PHTF2: variants seen among roughly 807,000 people sequenced by gnomAD.
PHTF2 encodes putative homeodomain transcription factor 2, also known as protein PHTF2.
Under a neutral mutation model 101.2 loss-of-function variants are expected in PHTF2, and 60 were observed. The ratio of observed to expected loss-of-function variants is 0.59; its 90% confidence interval spans 0.48 to 0.73. The LOEUF (loss-of-function observed/expected upper bound fraction) is 0.73, where lower values mean the gene tolerates loss of function less well. PHTF2 is among the 30% of genes least tolerant of loss of function. The pLI is 0.00. For synonymous variants in PHTF2, 311 were observed against 307.3 expected (o/e 1.01, Z -0.13); for missense variants, 747 against 908.7 (o/e 0.82, Z 2.29).
chr7:77,957,357 T>A (rs917460972), exon 20 of PHTF2: 2 of 152,244 alleles, frequency 1.3e-5, no homozygotes, highest in African/African-American at 4.8e-5. Flanking sequence ...TTTTAGATTT[T>A]GTTATGATTC....
chr7:77,953,120 A>G (rs1806698848), intron 18 of PHTF2, among the ~76,000 whole-genome samples: 1 of 152,156 alleles, frequency 6.6e-6, no homozygotes, highest in South Asian at 2.1e-4. Context: ...GTCTTTTAGA[A>G]TATTTACTCC....
intron 8 of PHTF2, chr7:77,909,410 C>A (rs376163579): frequency 6.6e-6 from 1 of 152,292 alleles, no homozygotes. Context: ...TCACTGTCTC[C>A]GTCACCCAGG....
chr7:77,809,900 G>A (rs549968292), intron 1 of PHTF2, among the ~76,000 whole-genome samples: 3 of 152,014 alleles, frequency 2.0e-5, no homozygotes, highest in African/African-American at 4.8e-5. Flanking sequence ...TTGAAGCACC[G>A]GGCTAGTTTT....
At position 77,802,102 on chromosome 7, in the gene PHTF2, G is replaced by A. The variant is rs570056481; in HGVS notation, c.-36+3131G>A. Among the ~76,000 whole-genome samples, 12 of 152,318 alleles carry A rather than the reference G, an allele frequency of 7.9e-5. No homozygotes were observed. The East Asian group carries it at 1.7e-3, about 22-fold the overall frequency. Reference sequence around the variant, plus strand: ...GGTCTGAAGGTGGTGTTTGTAGGTGGAGAAAGAGGGCATTCCATGCAGAAC... The same window carrying A: ...GGTCTGAAGGTGGTGTTTGTAGGTGAAGAAAGAGGGCATTCCATGCAGAAC... On this transcript the variant is annotated intron_variant, in intron 1 of 19. Coordinates refer to ENST00000416283, the Ensembl canonical transcript of PHTF2.
intron 3 of PHTF2, among the ~76,000 whole-genome samples, chr7:77,891,259 T>C (rs1224517236): frequency 6.6e-6 from 1 of 152,176 alleles, no homozygotes; most frequent in African/African-American, 2.4e-5. Flanking sequence ...TTTATTTGCA[T>C]TTAAGCCCAG....
intron 12 of PHTF2, among the ~76,000 whole-genome samples, chr7:77,936,264 C>T (rs1240793557): frequency 6.6e-6 from 1 of 152,002 alleles, no homozygotes; most frequent in East Asian, 1.9e-4. Flanking sequence ...ACATTTTTGT[C>T]CTCTAAAGAA....
At chr7:77,847,901 T>C (rs1421636828) in intron 2 of PHTF2, among the ~76,000 whole-genome samples, 1 of 152,168 alleles carries the variant, frequency 6.6e-6, no homozygotes, top group Non-Finnish European at 1.5e-5. Flanking sequence ...CTACTCTACA[T>C]TTTCATGAGT....
At chr7:77,943,475 C>T (rs1805803931) in intron 16 of PHTF2, among the ~76,000 whole-genome samples, 1 of 148,556 alleles carries the variant, frequency 6.7e-6, no homozygotes, top group South Asian at 2.2e-4. Context: ...TTAACTGCTG[C>T]ATACTCTGAA....
intron 3 of PHTF2, among the ~76,000 whole-genome samples, chr7:77,885,647 G>T (rs922337908): frequency 4.6e-5 from 7 of 152,124 alleles, no homozygotes; most frequent in Non-Finnish European, 8.8e-5. Flanking sequence ...GTTTCACCAT[G>T]TTGGCCAGGC....
At chr7:77,906,312 T>C (rs1298450633) in intron 7 of PHTF2, 1 of 151,892 alleles carries the variant, frequency 6.6e-6, no homozygotes, top group Non-Finnish European at 1.5e-5. Flanking sequence ...AACCTTAACT[T>C]GAGAGGAAAA....
chr7:77,913,673 T>C (rs1802623495), intron 9 of PHTF2, among the ~76,000 whole-genome samples: 1 of 152,112 alleles, frequency 6.6e-6, no homozygotes. Context: ...GGTCTCAAAC[T>C]CGTGGGCTCA....
intron 3 of PHTF2, among the ~76,000 whole-genome samples, chr7:77,880,561 C>T (rs908130866): frequency 2.0e-5 from 3 of 152,098 alleles, no homozygotes; most frequent in Non-Finnish European, 2.9e-5. Context: ...TGGTCATCCC[C>T]ACATGTGGTC....
intron 1 of PHTF2, among the ~76,000 whole-genome samples, chr7:77,819,336 G>A (rs968683420): frequency 1.3e-5 from 2 of 152,172 alleles, no homozygotes; most frequent in African/African-American, 4.8e-5. Flanking sequence ...AACACTTTTG[G>A]CTTTTTCCTA....
chr7:77,862,257 T>C (rs912279113), intron 3 of PHTF2, among the ~76,000 whole-genome samples: 2 of 152,148 alleles, frequency 1.3e-5, no homozygotes, highest in African/African-American at 2.4e-5. Context: ...TTTTTTACAG[T>C]GTTAAGGCAC....
intron 1 of PHTF2, among the ~76,000 whole-genome samples, chr7:77,814,513 A>ATT (rs771740540): frequency 1.7e-4 from 23 of 134,892 alleles, no homozygotes; most frequent in African/African-American, 4.9e-4. Flanking sequence ...CTTGGGGGGC[A>ATT]TTTTTTTTTT....
chr7:77,946,059 C>T (rs1043450871), intron 16 of PHTF2, among the ~76,000 whole-genome samples: 23 of 151,980 alleles, frequency 1.5e-4, no homozygotes, highest in African/African-American at 5.3e-4. Context: ...ATACAAAATT[C>T]CTCAACAAAA....
rs116704754 is a variant in PHTF2, at chr7:77,927,850, C to T, written c.1120-1259C>T. 3.2e-3 allele frequency among the ~76,000 whole-genome samples: 486 copies of T among 152,266 alleles called. 5 individuals carry two copies. The highest frequency in any genetic ancestry group is 0.011 in the African/African-American group (467 of 41,542). ...GGGGCTCAGAAGTAGCCTACTGTCA[C>T]TGGAGTAAAAGGTTACGGTATGTAG... is the stretch of plus-strand genomic sequence containing the variant. On this transcript the variant is annotated intron_variant, in intron 11 of 19. Coordinates refer to ENST00000416283, the Ensembl canonical transcript of PHTF2.
chr7:77,927,396 G>A (rs1214375953), intron 11 of PHTF2, among the ~76,000 whole-genome samples: 2 of 151,842 alleles, frequency 1.3e-5, no homozygotes, highest in Non-Finnish European at 2.9e-5. Context: ...AGGAGTTCAA[G>A]ACCAGCCTGG....
chr7:77,914,646 A>C (rs576415230), intron 9 of PHTF2, among the ~76,000 whole-genome samples: 1 of 152,246 alleles, frequency 6.6e-6, no homozygotes, highest in Non-Finnish European at 1.5e-5. Flanking sequence ...GGAATGATAG[A>C]GTCAGAAAAG....
Sources: allele counts gnomAD v4.1 joint callset (sites outside exome capture counted in the v4.1 genomes callset), GRCh38; gene constraint gnomAD v4.1.1; transcripts MANE v1.5; gene names NCBI Gene and HGNC (gene_info 2026-07-23, HGNC 2026-07-21).